ZNF624: variants seen among roughly 807,000 people sequenced by gnomAD.
ZNF624 encodes zinc finger protein 624.
Under a neutral mutation model 74.7 loss-of-function variants are expected in ZNF624, and 43 were observed. That is an observed-to-expected ratio of 0.58 (90% confidence interval 0.45 to 0.74). ZNF624 has a LOEUF of 0.74. ZNF624 is among the 30% of genes least tolerant of loss of function. ZNF624 has a pLI of 0.00. For synonymous variants in ZNF624, 331 were observed against 341.3 expected (o/e 0.97, Z 0.33); for missense variants, 820 against 1,030.0 (o/e 0.80, Z 2.79).
chr17:16,651,189 G>A (rs760156485), intron 1 of ZNF624, among the ~76,000 whole-genome samples: 1 of 152,074 alleles, frequency 6.6e-6, no homozygotes, highest in Non-Finnish European at 1.5e-5. Context: ...CACTTTGGGA[G>A]GCCGAGGCGG....
intron 3 of ZNF624, among the ~76,000 whole-genome samples, chr17:16,638,261 T>C (rs1164711907): frequency 6.6e-6 from 1 of 152,200 alleles, no homozygotes; most frequent in Non-Finnish European, 1.5e-5. Flanking sequence ...TTTACACTGT[T>C]GGTGGGACCG....
At chr17:16,628,020 A>C (rs1402695781) in intron 5 of ZNF624, among the ~76,000 whole-genome samples, 2 of 152,084 alleles carry the variant, frequency 1.3e-5, no homozygotes, top group African/African-American at 4.8e-5. Flanking sequence ...AGCACTTTGA[A>C]AGGCCAACAA....
At chr17:16,633,094 C>G (rs929996470) in intron 5 of ZNF624, among the ~76,000 whole-genome samples, 4 of 152,226 alleles carry the variant, frequency 2.6e-5, no homozygotes, top group African/African-American at 9.6e-5. Context: ...AAGCAGGTGT[C>G]CTCATCCCAC....
intron 2 of ZNF624, among the ~76,000 whole-genome samples, chr17:16,649,438 A>C (rs1422281564): frequency 1.3e-5 from 2 of 152,214 alleles, no homozygotes; most frequent in Non-Finnish European, 2.9e-5. Context: ...GACAGCTCAG[A>C]TATTTTTTGA....
At position 16,623,301 on chromosome 17, in the gene ZNF624, T is replaced by TA. The variant is rs1279005869; in HGVS notation, c.1584dup (p.Lys529Ter). The TA allele has an allele frequency of 6.2e-7, 1 of 1,613,738 alleles. No individual in the cohort carries two copies. Among genetic ancestry groups the TA allele is most frequent in the Non-Finnish European group, 8.5e-7 (1 of 1,179,834 alleles). On this transcript the variant is annotated frameshift_variant, in exon 6 of 6. Coordinates refer to ENST00000311331, the MANE Select transcript of ZNF624 (RefSeq NM_020787.4). LOFTEE classifies it high-confidence loss of function. The surrounding 1 kb of genome is among the most constrained non-coding windows in gnomAD (Gnocchi z 5.3). ...AATGCTTTCCCACATTCATTACATT[T>TA]ATAGGGTTTTTCTCCTGTGTGAATT... is the stretch of plus-strand genomic sequence containing the variant.
At position 16,625,945 on chromosome 17, in the gene ZNF624, A is replaced by AT. The variant is rs370838248; in HGVS notation, c.377-1437dup. ...TTGTCCATGATAGAATGGTTTTATG[A>AT]TTTTTTTTTTTTTTTAATTTTTGAG... On this transcript the variant is annotated intron_variant, in intron 5 of 5. Transcript: ENST00000311331. 4.4e-3 allele frequency among the ~76,000 whole-genome samples: 643 copies of AT among 144,784 alleles called. 5 individuals are homozygous for AT. Among genetic ancestry groups the AT allele is most frequent in the African/African-American group, 0.011 (429 of 39,638 alleles). The allele number at this position is 144,784 out of a possible 152,430, so 95.0% of individuals were successfully genotyped here.
chr17:16,651,192 C>T lies in ZNF624; in HGVS notation c.-2-1446G>A, dbSNP rs149641775. ...CTGTAATCCCAGCACTTTGGGAGGCCGAGGCGGGCAGAGCACCTGAGGTCA... is the reference window on the plus strand; with the variant it reads ...CTGTAATCCCAGCACTTTGGGAGGCTGAGGCGGGCAGAGCACCTGAGGTCA... On this transcript the variant is annotated intron_variant, in intron 1 of 5. Coordinates refer to ENST00000311331, the MANE Select transcript of ZNF624 (RefSeq NM_020787.4). Among the ~76,000 whole-genome samples, 509 of 151,950 alleles carry T rather than the reference C, an allele frequency of 3.3e-3. 4 individuals are homozygous for T. Among genetic ancestry groups the T allele is most frequent in the African/African-American group, 0.012 (487 of 41,434 alleles).
At chr17:16,644,871 A>C (rs1176307141) in intron 3 of ZNF624, among the ~76,000 whole-genome samples, 1 of 152,240 alleles carries the variant, frequency 6.6e-6, no homozygotes, top group East Asian at 1.9e-4. Context: ...AGACTGTCAG[A>C]AATTGTGTAG....
At position 16,622,823 on chromosome 17, in the gene ZNF624, C is replaced by T. The variant is rs769107371; in HGVS notation, c.2063G>A (p.Arg688Gln). 1.9e-6 allele frequency: 3 copies of T among 1,613,938 alleles called. No individual in the cohort carries two copies. The highest frequency in any genetic ancestry group is 2.2e-5 in the East Asian group (1 of 44,874). ...TNTSQLTVHQ[R>Q]RHTGEKPYKC... is the part of the protein sequence containing the mutation. ...ATAGGGCTTCTCTCCAGTATGCCTT[C>T]GTTGGTGCACGGTAAGCTGTGATGT... is the stretch of plus-strand genomic sequence containing the variant. The change falls in exon 6 of 6, where the codon CGA (arginine) becomes CAA (glutamine). Residue 688 changes from arginine to glutamine, a missense_variant. By Grantham distance (43) the Arg-to-Gln change is conservative. Transcript: ENST00000311331.
intron 5 of ZNF624, among the ~76,000 whole-genome samples, chr17:16,625,981 G>A (rs751586532): frequency 1.5e-4 from 23 of 149,758 alleles, no homozygotes; most frequent in Non-Finnish European, 1.3e-4. Context: ...GCAGTGTCTC[G>A]CTCTGTTGCT....
chr17:16,631,984 G>A (rs1241287850), intron 5 of ZNF624, among the ~76,000 whole-genome samples: 2 of 152,160 alleles, frequency 1.3e-5, no homozygotes, highest in Non-Finnish European at 2.9e-5. Flanking sequence ...AGGCATAGAG[G>A]CTATAATTAA....
chr17:16,640,243 C>A, intron 3 of ZNF624, among the ~76,000 whole-genome samples: 1 of 151,902 alleles, frequency 6.6e-6, no homozygotes, highest in East Asian at 1.9e-4. Context: ...GATAATTCAA[C>A]GGTAGTAGCT....
intron 5 of ZNF624, among the ~76,000 whole-genome samples, chr17:16,631,162 C>T (rs1328179583): frequency 6.6e-6 from 1 of 152,022 alleles, no homozygotes; most frequent in Non-Finnish European, 1.5e-5. Context: ...TTAAAAATAA[C>T]CCAAGGATAA....
intron 5 of ZNF624, among the ~76,000 whole-genome samples, chr17:16,627,227 GGTT>G (rs1279680684): frequency 2.0e-5 from 3 of 152,172 alleles, no homozygotes; most frequent in Admixed American, 1.3e-4. Context: ...AGTACATAAA[GGTT>G]GTTGTTATAT....
intron 5 of ZNF624, chr17:16,631,690 T>G (rs1452093316): frequency 6.6e-6 from 1 of 152,138 alleles, no homozygotes; most frequent in Non-Finnish European, 1.5e-5. Context: ...ACCACTGCAT[T>G]CCAGCCTGGG....
rs992240725 is a variant in ZNF624, at chr17:16,623,773, C to G, written c.1113G>C (p.Gln371His). 5.0e-6 allele frequency: 8 copies of G among 1,613,898 alleles called. No individual in the cohort carries two copies. Among genetic ancestry groups the G allele is most frequent in the Non-Finnish European group, 6.8e-6 (8 of 1,180,004 alleles). Reference protein sequence around the residue: ...QCNVCGKSFSQCARLNQHQRI... With the variant: ...QCNVCGKSFSHCARLNQHQRI... ...TCTGGTGCTGATTAAGACGGGCACA[C>G]TGGCTAAAAGATTTCCCACACACAT... The change falls in exon 6 of 6, where the codon CAG becomes CAC. Residue 371 changes from glutamine to histidine, a missense_variant. Transcript: ENST00000311331. The surrounding 1 kb of genome is among the most constrained non-coding windows in gnomAD (Gnocchi z 5.3).
intron 1 of ZNF624, among the ~76,000 whole-genome samples, chr17:16,650,178 G>A (rs1385210810): frequency 6.6e-6 from 1 of 151,994 alleles, no homozygotes; most frequent in Non-Finnish European, 1.5e-5. Flanking sequence ...GTCTTTCTTT[G>A]CCACAATCAC....
chr17:16,614,577 A>G, the ZNF624 span, among the ~76,000 whole-genome samples: 5 of 152,172 alleles, frequency 3.3e-5, no homozygotes, highest in Non-Finnish European at 4.4e-5. Flanking sequence ...TTTACACACA[A>G]AATTATGGCA....
chr17:16,619,673 G>A (rs993518209), downstream of ZNF624, among the ~76,000 whole-genome samples: 1 of 152,248 alleles, frequency 6.6e-6, no homozygotes, highest in Non-Finnish European at 1.5e-5. Flanking sequence ...GGAGCTCACC[G>A]TGCCACTGAA....
Sources: allele counts gnomAD v4.1 joint callset (sites outside exome capture counted in the v4.1 genomes callset), GRCh38; gene constraint gnomAD v4.1.1; non-coding constraint Gnocchi (gnomAD v3.1); transcripts MANE v1.5; gene names NCBI Gene and HGNC (gene_info 2026-07-23, HGNC 2026-07-21).